SLC2A13: variants seen among roughly 807,000 people sequenced by gnomAD.
The protein encoded by SLC2A13 is solute carrier family 2 member 13.
A neutral mutation model predicts 64.4 loss-of-function variants in SLC2A13; 32 were observed. That is an observed-to-expected ratio of 0.50 (90% confidence interval 0.37 to 0.67). The LOEUF is 0.67. Ranked by LOEUF, SLC2A13 falls within the 30% of genes least tolerant of loss-of-function variation. The pLI, the probability that SLC2A13 is intolerant of heterozygous loss-of-function variation, is 0.00. For missense variants in SLC2A13, 743 were observed against 829.2 expected (o/e 0.90, Z 1.28); for synonymous variants, 338 against 327.1 (o/e 1.03, Z -0.36).
chr12:40,041,097 C>T (rs1284218952), intron 2 of SLC2A13, among the ~76,000 whole-genome samples: 4 of 152,136 alleles, frequency 2.6e-5, no homozygotes, highest in Admixed American at 6.6e-5. Flanking sequence ...GGATTACAGG[C>T]GCCCACCACC....
At chr12:39,839,087 C>T (rs1231190288) in intron 6 of SLC2A13, among the ~76,000 whole-genome samples, 1 of 152,012 alleles carries the variant, frequency 6.6e-6, no homozygotes, top group Non-Finnish European at 1.5e-5. Flanking sequence ...ACTCTCTTTC[C>T]CCTAACAGCT....
chr12:39,829,998 G>T (rs1478439180), intron 7 of SLC2A13, 105 bp downstream of exon 7: 6 of 1,372,518 alleles, frequency 4.4e-6, no homozygotes, highest in Admixed American at 1.8e-5. Flanking sequence ...AGTTATGAAG[G>T]CCAGTTTAAA....
rs113961430 is a variant in SLC2A13 at position 40,049,925 on chromosome 12, C to T, written c.557-1715G>A. 8.5e-5 allele frequency among the ~76,000 whole-genome samples: 13 copies of T among 152,226 alleles called. 2 individuals carry two copies. Among genetic ancestry groups the T allele is most frequent in the African/African-American group, 2.9e-4 (12 of 41,560 alleles). On this transcript the variant is annotated intron_variant, in intron 1 of 9. Coordinates refer to ENST00000280871, the MANE Select transcript of SLC2A13 (RefSeq NM_052885.4). ...CCAATGTTGTTTGCTACTGTAGTGCCTGTCAATAATCTTACGACTTTGAGT... is the reference window on the plus strand; with the variant it reads ...CCAATGTTGTTTGCTACTGTAGTGCTTGTCAATAATCTTACGACTTTGAGT...
rs147316017 is a variant in SLC2A13 at position 39,779,432 on chromosome 12, C to T, written c.1446-14574G>A. 3.0e-3 allele frequency among the ~76,000 whole-genome samples: 461 copies of T among 152,246 alleles called. 1 individual carries two copies. The highest frequency in any genetic ancestry group is 0.011 in the African/African-American group (438 of 41,532). ...GGTTTTTTGGGGGACTTTTATGACC[C>T]TCACTAGATAGTAAACTTCAGTGAG... On this transcript the variant is annotated intron_variant, in intron 7 of 9. Transcript: ENST00000280871.
intron 4 of SLC2A13, among the ~76,000 whole-genome samples, chr12:39,908,937 G>A (rs1484388039): frequency 1.3e-5 from 2 of 151,934 alleles, no homozygotes; most frequent in Non-Finnish European, 2.9e-5. Flanking sequence ...GAAGAATACA[G>A]ACATATCAGA....
intron 1 of SLC2A13, among the ~76,000 whole-genome samples, chr12:40,080,206 C>T (rs560003289): frequency 3.4e-5 from 5 of 149,016 alleles, no homozygotes; most frequent in Admixed American, 2.7e-4. Context: ...CTATTTTTTT[C>T]TAAATAAGAA....
At chr12:39,804,362 G>T (rs1281330786) in intron 7 of SLC2A13, among the ~76,000 whole-genome samples, 1 of 152,048 alleles carries the variant, frequency 6.6e-6, no homozygotes, top group Admixed American at 6.6e-5. Flanking sequence ...AATATACTTC[G>T]AGCTATGTGA....
intron 6 of SLC2A13, among the ~76,000 whole-genome samples, chr12:39,859,069 T>C (rs1168005158): frequency 6.6e-6 from 1 of 152,088 alleles, no homozygotes; most frequent in African/African-American, 2.4e-5. Flanking sequence ...AAATGAACTT[T>C]GAAGGGACTA....
chr12:39,984,094 C>G (rs1156391896), intron 3 of SLC2A13, among the ~76,000 whole-genome samples: 4 of 151,894 alleles, frequency 2.6e-5, no homozygotes, highest in Non-Finnish European at 4.4e-5. Context: ...AAACCAAACA[C>G]CACATATTCT....
chr12:39,929,280 CAGTGGCTAACACCCAT>C (rs1440988879), intron 4 of SLC2A13, among the ~76,000 whole-genome samples: 5 of 152,052 alleles, frequency 3.3e-5, no homozygotes, highest in Admixed American at 3.3e-4. Context: ...AGGCTGGGCG[CAGTGGCTAACACCCAT>C]AATCCCAGCA....
chr12:39,819,503 C>T (rs949611879), intron 7 of SLC2A13, among the ~76,000 whole-genome samples: 4 of 152,072 alleles, frequency 2.6e-5, no homozygotes, highest in Non-Finnish European at 5.9e-5. Context: ...CCTAAAAGCC[C>T]GGGCTGATTT....
chr12:39,981,477 A>G lies in SLC2A13; in HGVS notation c.926-30112T>C, dbSNP rs1311995926. On this transcript the variant is annotated intron_variant, in intron 3 of 9. Transcript: ENST00000280871. ...GAGAAGAATCAAATGGACACAATAA[A>G]AAATGATAAAGGGGATATCACCACC... Among the ~76,000 whole-genome samples, 7 of 151,508 alleles carry G rather than the reference A, an allele frequency of 4.6e-5. No homozygotes were observed. The South Asian group carries it at 8.3e-4, about 18-fold the overall frequency.
intron 3 of SLC2A13, among the ~76,000 whole-genome samples, chr12:39,995,939 A>G (rs1417013308): frequency 6.6e-6 from 1 of 152,204 alleles, no homozygotes; most frequent in Non-Finnish European, 1.5e-5. Context: ...TGGAACTGTA[A>G]GTCCACTAAA....
intron 7 of SLC2A13, among the ~76,000 whole-genome samples, chr12:39,802,982 G>A (rs1242362700): frequency 6.6e-6 from 1 of 152,144 alleles, no homozygotes; most frequent in Admixed American, 6.6e-5. Context: ...TGGAAAAGAG[G>A]CCTCACTAGA....
intron 7 of SLC2A13, among the ~76,000 whole-genome samples, chr12:39,794,162 C>T (rs1293837502): frequency 6.6e-6 from 1 of 150,660 alleles, no homozygotes; most frequent in Non-Finnish European, 1.5e-5. Flanking sequence ...AAAACAAAAC[C>T]TCCCTTCTGC....
At chr12:39,921,619 T>C (rs1945616795) in intron 4 of SLC2A13, among the ~76,000 whole-genome samples, 1 of 152,150 alleles carries the variant, frequency 6.6e-6, no homozygotes, top group Non-Finnish European at 1.5e-5. Context: ...CATATTTTTA[T>C]GTTCTATTTT....
At chr12:40,103,839 T>G (rs952078516) in intron 1 of SLC2A13, among the ~76,000 whole-genome samples, 14 of 152,202 alleles carry the variant, frequency 9.2e-5, no homozygotes, top group African/African-American at 3.1e-4. Flanking sequence ...TCCACACAAA[T>G]AGGTTTCATT....
intron 7 of SLC2A13, among the ~76,000 whole-genome samples, chr12:39,802,620 G>A (rs557912927): frequency 4.6e-5 from 7 of 152,074 alleles, no homozygotes; most frequent in African/African-American, 9.6e-5. Context: ...GATTGAGACC[G>A]TTATCTATTT....
intron 3 of SLC2A13, among the ~76,000 whole-genome samples, chr12:40,000,540 G>A (rs1947306132): frequency 6.6e-6 from 1 of 152,122 alleles, no homozygotes; most frequent in Non-Finnish European, 1.5e-5. Flanking sequence ...CAGACTGGGT[G>A]GCTTAAACAG....
Sources: allele counts gnomAD v4.1 joint callset (sites outside exome capture counted in the v4.1 genomes callset), GRCh38; gene constraint gnomAD v4.1.1; transcripts MANE v1.5; gene names NCBI Gene and HGNC (gene_info 2026-07-23, HGNC 2026-07-21).